MIPOL1: variants seen among roughly 807,000 people sequenced by gnomAD.
The protein encoded by MIPOL1 is mirror-image polydactyly gene 1 protein.
In MIPOL1, 57 loss-of-function variants were observed where a neutral mutation model predicts 60.9. That is an observed-to-expected ratio of 0.94 (90% confidence interval 0.76 to 1.17). The LOEUF (loss-of-function observed/expected upper bound fraction) is 1.17. Ranked by LOEUF, MIPOL1 falls within the 50% of genes most tolerant of loss-of-function variation. MIPOL1 has a pLI of 0.00. For missense variants in MIPOL1, 551 were observed against 511.6 expected (o/e 1.08, Z -0.74); for synonymous variants, 179 against 168.8 (o/e 1.06, Z -0.47).
chr14:37,484,365 G>A (rs1744826737), intron 11 of MIPOL1, among the ~76,000 whole-genome samples: 1 of 133,072 alleles, frequency 7.5e-6, no homozygotes, highest in Non-Finnish European at 1.5e-5. Flanking sequence ...TTGAGACGGA[G>A]TCTCGCTCTG....
At chr14:37,481,194 AC>A (rs1210964341) in intron 11 of MIPOL1, among the ~76,000 whole-genome samples, 1 of 152,062 alleles carries the variant, frequency 6.6e-6, no homozygotes. Flanking sequence ...CAAAATCAAC[AC>A]CCCGAAATCC....
chr14:37,339,602 TAAAATGGAATACTATTTAGCATG>T (rs1160914388), intron 9 of MIPOL1, among the ~76,000 whole-genome samples: 4 of 152,286 alleles, frequency 2.6e-5, no homozygotes, highest in Non-Finnish European at 5.9e-5. Flanking sequence ...GGTATATGCA[TAAAATGGAATACTATTTAGCATG>T]AAAATGGAAT....
intron 12 of MIPOL1, among the ~76,000 whole-genome samples, chr14:37,518,965 AGTCTACAAAC>A (rs905105812): frequency 2.9e-4 from 44 of 152,210 alleles, no homozygotes; most frequent in Admixed American, 1.6e-3. Context: ...TACATCTTAG[AGTCTACAAAC>A]GTACTCAAAA....
intron 11 of MIPOL1, among the ~76,000 whole-genome samples, chr14:37,432,514 C>T (rs1051939839): frequency 1.3e-5 from 2 of 152,048 alleles, no homozygotes; most frequent in African/African-American, 4.8e-5. Flanking sequence ...ATGACATGAA[C>T]CTAGTCCAGC....
At chr14:37,414,587 T>C (rs536787021) in intron 10 of MIPOL1, among the ~76,000 whole-genome samples, 19 of 152,346 alleles carry the variant, frequency 1.2e-4, no homozygotes, top group South Asian at 6.2e-4. Flanking sequence ...GTTAATCTTA[T>C]TGAGAATCCC....
At chr14:37,380,705 G>T (rs1280974502) in intron 10 of MIPOL1, among the ~76,000 whole-genome samples, 1 of 152,110 alleles carries the variant, frequency 6.6e-6, no homozygotes, top group Non-Finnish European at 1.5e-5. Context: ...GAGTTTCATA[G>T]TCAGTGTTGT....
At chr14:37,330,122 A>G (rs1397707296) in intron 9 of MIPOL1, among the ~76,000 whole-genome samples, 1 of 152,148 alleles carries the variant, frequency 6.6e-6, no homozygotes, top group East Asian at 1.9e-4. Context: ...TGGTAATTTT[A>G]TAATTATCTT....
chr14:37,397,635 C>A (rs2093400134), intron 10 of MIPOL1, among the ~76,000 whole-genome samples: 1 of 152,084 alleles, frequency 6.6e-6, no homozygotes, highest in Non-Finnish European at 1.5e-5. Context: ...CTAGGTATGT[C>A]TGAGCTCAGA....
intron 7 of MIPOL1, among the ~76,000 whole-genome samples, chr14:37,297,660 AACAG>A (rs2085887602): frequency 6.6e-6 from 1 of 151,972 alleles, no homozygotes; most frequent in Non-Finnish European, 1.5e-5. Flanking sequence ...ATACACCAAT[AACAG>A]ACAAACAGAG....
chr14:37,401,978 T>C (rs1444019688), intron 10 of MIPOL1: 1 of 152,110 alleles, frequency 6.6e-6, no homozygotes, highest in Non-Finnish European at 1.5e-5. Flanking sequence ...TTATTTTTGC[T>C]TTAAAATTTT....
intron 11 of MIPOL1, among the ~76,000 whole-genome samples, chr14:37,461,308 G>A (rs768548658): frequency 2.6e-5 from 4 of 152,146 alleles, no homozygotes; most frequent in Admixed American, 6.5e-5. Flanking sequence ...ATGTCAGTGG[G>A]CAAAGAGAGA....
intron 11 of MIPOL1, among the ~76,000 whole-genome samples, chr14:37,492,719 T>G (rs933104494): frequency 6.6e-6 from 1 of 152,212 alleles, no homozygotes; most frequent in Non-Finnish European, 1.5e-5. Flanking sequence ...CTTTATCTTC[T>G]AAGTTCAACC....
chr14:37,263,603 A>G (rs2082662714), intron 3 of MIPOL1, among the ~76,000 whole-genome samples: 1 of 152,206 alleles, frequency 6.6e-6, no homozygotes, highest in South Asian at 2.1e-4. Context: ...GATAGTAATC[A>G]TACATTTTTT....
Position 37,207,237 on chromosome 14 carries a change from A to G in MIPOL1, c.-199+9133A>G, listed in dbSNP as rs563577880. On this transcript the variant is annotated intron_variant, in intron 1 of 12. Coordinates refer to ENST00000684589, the MANE Select transcript of MIPOL1 (RefSeq NM_001388067.1). The stretch of plus-strand genomic sequence containing the variant: ...CCATACTGTTCTCCTGGTAGTGAAT[A>G]AGTCCAGGTGAGTTCTGATGGTTTT... Among the ~76,000 whole-genome samples, 13 of 152,266 alleles carry G rather than the reference A, an allele frequency of 8.5e-5. 1 individual carries two copies. Among genetic ancestry groups the G allele is most frequent in the South Asian group, 2.1e-4 (1 of 4,820 alleles).
At chr14:37,218,916 C>T (rs1412121830) in intron 1 of MIPOL1, among the ~76,000 whole-genome samples, 2 of 133,648 alleles carry the variant, frequency 1.5e-5, no homozygotes, top group Non-Finnish European at 3.1e-5. Flanking sequence ...CAGAGTGAGA[C>T]CCTATTTCAA....
chr14:37,336,196 A>G (rs1158239216), intron 9 of MIPOL1, among the ~76,000 whole-genome samples: 1 of 147,238 alleles, frequency 6.8e-6, no homozygotes, highest in Non-Finnish European at 1.5e-5. Context: ...CGGTTTTGGT[A>G]CCTTTATCAA....
chr14:37,499,732 A>T (rs889170519), intron 11 of MIPOL1, among the ~76,000 whole-genome samples, 176 bp from the exon 12 acceptor site: 7 of 152,322 alleles, frequency 4.6e-5, no homozygotes, highest in African/African-American at 1.4e-4. Flanking sequence ...CTTTCAGCCT[A>T]GAAGCAGAGA....
At chr14:37,199,024 G>A (rs1964792198) in intron 1 of MIPOL1, among the ~76,000 whole-genome samples, 1 of 152,204 alleles carries the variant, frequency 6.6e-6, no homozygotes, top group African/African-American at 2.4e-5. Flanking sequence ...ACATGTCATT[G>A]ATGGGAGGTA....
chr14:37,523,068 A>C (rs1029746172), intron 12 of MIPOL1, among the ~76,000 whole-genome samples: 5 of 152,146 alleles, frequency 3.3e-5, no homozygotes, highest in Admixed American at 6.5e-5. Context: ...TACTCTAAGT[A>C]AATGTCTTTA....
Sources: allele counts gnomAD v4.1 joint callset (sites outside exome capture counted in the v4.1 genomes callset), GRCh38; gene constraint gnomAD v4.1.1; transcripts MANE v1.5; gene names NCBI Gene and HGNC (gene_info 2026-07-23, HGNC 2026-07-21).